The following QKI variants were observed in gnomAD, a reference collection of about 807,000 sequenced individuals.
The protein encoded by QKI is KH domain-containing RNA-binding protein QKI.
A neutral mutation model predicts 39.0 loss-of-function variants in QKI; 10 were observed. The observed-to-expected ratio is 0.26, with a 90% CI of 0.16 to 0.43. The LOEUF is 0.43. QKI is among the 20% of genes least tolerant of loss of function. QKI has a pLI of 1.00. For synonymous variants in QKI, 204 were observed against 155.4 expected (o/e 1.31, Z -2.33); for missense variants, 218 against 428.0 (o/e 0.51, Z 4.33).
chr6:163,510,905 A>G (rs1299239094), intron 3 of QKI, among the ~76,000 whole-genome samples: 1 of 152,212 alleles, frequency 6.6e-6, no homozygotes, highest in African/African-American at 2.4e-5. Flanking sequence ...AAGATTTGAA[A>G]TTTATTATTA....
At chr6:163,549,842 T>C (rs1440462025) in intron 4 of QKI, among the ~76,000 whole-genome samples, 1 of 152,228 alleles carries the variant, frequency 6.6e-6, no homozygotes, top group African/African-American at 2.4e-5. Flanking sequence ...AAAGAAAAAA[T>C]TACCTTCTTT....
chr6:163,566,333 T>C, intron 6 of QKI: 3 of 1,197,980 alleles, frequency 2.5e-6, no homozygotes, highest in South Asian at 2.1e-5. Flanking sequence ...CTTGAAGTGG[T>C]CTTAAGGTTA....
At chr6:163,506,569 G>A (rs1779105768) in intron 3 of QKI, among the ~76,000 whole-genome samples, 1 of 152,048 alleles carries the variant, frequency 6.6e-6, no homozygotes, top group South Asian at 2.1e-4. Flanking sequence ...TAAGTCTTAG[G>A]CAATATTTTC....
intron 2 of QKI, among the ~76,000 whole-genome samples, chr6:163,472,137 T>G (rs1462219220): frequency 1.3e-5 from 2 of 152,170 alleles, no homozygotes; most frequent in African/African-American, 4.8e-5. Flanking sequence ...TACTGTCGAC[T>G]GGAAGCCTTA....
At chr6:163,499,059 A>G (rs1432687208) in intron 3 of QKI, among the ~76,000 whole-genome samples, 2 of 152,140 alleles carry the variant, frequency 1.3e-5, no homozygotes, top group East Asian at 1.9e-4. Flanking sequence ...ATCAAAGGGC[A>G]AGGGTGTCGA....
chr6:163,454,331 C>T (rs1790779818), intron 1 of QKI, among the ~76,000 whole-genome samples: 1 of 152,066 alleles, frequency 6.6e-6, no homozygotes, highest in African/African-American at 2.4e-5. Flanking sequence ...TATGTATATC[C>T]AAGAACAGTA....
At chr6:163,464,829 C>G (rs764517982) in intron 2 of QKI, among the ~76,000 whole-genome samples, 1 of 152,186 alleles carries the variant, frequency 6.6e-6, no homozygotes, top group Non-Finnish European at 1.5e-5. Flanking sequence ...TTCCCAGATT[C>G]ATTTTATGAG....
At chr6:163,482,534 C>G (rs1793152543) in intron 3 of QKI, among the ~76,000 whole-genome samples, 1 of 152,190 alleles carries the variant, frequency 6.6e-6, no homozygotes, top group Non-Finnish European at 1.5e-5. Context: ...GTGACCTGTG[C>G]TTTTGACTGA....
chr6:163,517,932 C>CT (rs1180970634), intron 3 of QKI, among the ~76,000 whole-genome samples: 1 of 152,056 alleles, frequency 6.6e-6, no homozygotes, highest in Non-Finnish European at 1.5e-5. Flanking sequence ...TAACCTGGTC[C>CT]TTTTTTGGCT....
chr6:163,568,334 A>C, intron 7 of QKI: 7 of 985,394 alleles, frequency 7.1e-6, no homozygotes, highest in Non-Finnish European at 8.4e-6. Flanking sequence ...TTATTGGCCT[A>C]CTTAATACTC....
chr6:163,516,174 C>T (rs1316629635), intron 3 of QKI, among the ~76,000 whole-genome samples: 3 of 152,266 alleles, frequency 2.0e-5, no homozygotes, highest in Middle Eastern at 3.4e-3. Flanking sequence ...ATCTAAAGTA[C>T]ATATATGCAC....
chr6:163,428,517 GTAA>G (rs1224740334), intron 1 of QKI, among the ~76,000 whole-genome samples: 7 of 152,090 alleles, frequency 4.6e-5, no homozygotes, highest in Admixed American at 1.3e-4. Flanking sequence ...TTTTATCATA[GTAA>G]TAAAAAATTA....
At chr6:163,526,181 C>G (rs1267222871) in intron 3 of QKI, among the ~76,000 whole-genome samples, 1 of 152,080 alleles carries the variant, frequency 6.6e-6, no homozygotes, top group African/African-American at 2.4e-5. Flanking sequence ...CTGGTAGGAC[C>G]TGGAAGGGGT....
intron 2 of QKI, chr6:163,457,409 A>G (rs934454048): frequency 2.9e-5 from 13 of 455,852 alleles, no homozygotes; most frequent in Non-Finnish European, 4.4e-5. Flanking sequence ...GTGAACTACT[A>G]TTACCGACTG....
At chr6:163,525,400 C>A (rs914498349) in intron 3 of QKI, among the ~76,000 whole-genome samples, 8 of 151,198 alleles carry the variant, frequency 5.3e-5, no homozygotes, top group African/African-American at 1.9e-4. Context: ...TTCTTGTCAC[C>A]CAGGCTGGAG....
chr6:163,566,540 A>G, intron 6 of QKI, 181 bp from the exon 7 acceptor site: 2 of 1,443,386 alleles, frequency 1.4e-6, no homozygotes. Flanking sequence ...ATGCAATATT[A>G]ATAGATGCAT....
rs13215986 is a variant in QKI, at chr6:163,419,636, T to A, written c.142+4301T>A. 4.9e-3 allele frequency among the ~76,000 whole-genome samples: 740 copies of A among 152,284 alleles called. 1 individual carries two copies. Among genetic ancestry groups the A allele is most frequent in the Non-Finnish European group, 8.5e-3 (577 of 67,984 alleles). ...TATATATTGGCAGTCACGGAAAAGA[T>A]CAGTTGTATCATTATGGGGCATTTA... is the stretch of plus-strand genomic sequence containing the variant. On this transcript the variant is annotated intron_variant, in intron 1 of 7. Transcript: ENST00000361752.
intron 1 of QKI, among the ~76,000 whole-genome samples, chr6:163,444,142 G>T (rs910920475): frequency 1.3e-5 from 2 of 152,164 alleles, no homozygotes; most frequent in Non-Finnish European, 1.5e-5. Flanking sequence ...GGATAGTCTG[G>T]CCTGGAGTTC....
At position 163,574,618 on chromosome 6, in the gene QKI, C is replaced by T. The variant is rs1783880441; in HGVS notation, c.*3908C>T. 1 of 152,164 alleles carries T rather than the reference C, an allele frequency of 6.6e-6. No individual in the cohort carries two copies. Among genetic ancestry groups the T allele is most frequent in the African/African-American group, 2.4e-5 (1 of 41,438 alleles). The allele number at this position is 152,164 out of a possible 1,614,324, so 9.4% of individuals were successfully genotyped here. ...TTGTATGTGATTAATTTCTTGCATG[C>T]AAATCAATTTAAGATTTCTTAAATA... is the stretch of plus-strand genomic sequence containing the variant. On this transcript the variant is annotated 3_prime_UTR_variant, in exon 8 of 8. Coordinates refer to ENST00000361752, the MANE Select transcript of QKI (RefSeq NM_006775.3).
Sources: gnomAD v4.1 joint callset for allele counts (sites outside exome capture counted in the v4.1 genomes callset) on GRCh38, gnomAD v4.1.1 for gene constraint, MANE v1.5 for transcripts, NCBI Gene and HGNC (gene_info 2026-07-23, HGNC 2026-07-21) for gene names.